CNTN5: variants seen among roughly 807,000 people sequenced by gnomAD.
CNTN5 encodes the protein contactin-5.
CNTN5 carries 77 observed loss-of-function variants against 129.1 expected under a neutral mutation model. That is an observed-to-expected ratio of 0.60 (90% CI 0.50 to 0.72). The LOEUF (loss-of-function observed/expected upper bound fraction) is 0.72, where lower values mean the gene tolerates loss of function less well. CNTN5 is among the 30% of genes least tolerant of loss of function. The pLI, the probability that CNTN5 is intolerant of heterozygous loss-of-function variation, is 0.00. For synonymous variants in CNTN5, 509 were observed against 465.6 expected, an observed-to-expected ratio of 1.09 and a Z score of -1.20; for missense variants, 1,478 against 1,328.8, an observed-to-expected ratio of 1.11 and a Z score of -1.75.
chr11:100,092,120 ATTGAATCAGAAGGT>A (rs551822718), intron 13 of CNTN5, among the ~76,000 whole-genome samples: 39 of 152,258 alleles, frequency 2.6e-4, no homozygotes, highest in African/African-American at 9.1e-4. Flanking sequence ...TAGCATGGAA[ATTGAATCAGAAGGT>A]TGTAAGCAGA....
chr11:99,066,402 C>G (rs1462493153), intron 1 of CNTN5, among the ~76,000 whole-genome samples: 2 of 152,114 alleles, frequency 1.3e-5, no homozygotes, highest in Non-Finnish European at 2.9e-5. Flanking sequence ...CCACGCCCAG[C>G]AAGCTAATAT....
intron 2 of CNTN5, among the ~76,000 whole-genome samples, chr11:99,351,780 C>G (rs1016865071): frequency 2.6e-5 from 4 of 152,114 alleles, no homozygotes; most frequent in Admixed American, 6.6e-5. Context: ...TAGGAAATGC[C>G]AAAAGATTAC....
intron 11 of CNTN5, among the ~76,000 whole-genome samples, chr11:100,071,264 T>C (rs1300073736): frequency 1.3e-5 from 2 of 152,128 alleles, no homozygotes; most frequent in African/African-American, 2.4e-5. Context: ...TGGATCCATA[T>C]AGTAAAGGGA....
intron 17 of CNTN5, among the ~76,000 whole-genome samples, chr11:100,266,164 G>A (rs1197886601): frequency 1.3e-5 from 2 of 152,030 alleles, no homozygotes; most frequent in Non-Finnish European, 2.9e-5. Flanking sequence ...ATCCTGAGGT[G>A]GGAGGATCAC....
intron 16 of CNTN5, among the ~76,000 whole-genome samples, chr11:100,254,485 A>G (rs935811800): frequency 7.9e-5 from 12 of 152,196 alleles, no homozygotes; most frequent in African/African-American, 1.2e-4. Context: ...ACCTTTGCCC[A>G]CGATTCCAAC....
chr11:99,573,347 G>C (rs1467128487), intron 3 of CNTN5, among the ~76,000 whole-genome samples: 1 of 151,984 alleles, frequency 6.6e-6, no homozygotes, highest in Non-Finnish European at 1.5e-5. Context: ...TAGGCGGGCG[G>C]ATCACGAGGT....
intron 15 of CNTN5, among the ~76,000 whole-genome samples, chr11:100,222,868 A>G (rs1418415743): frequency 6.6e-6 from 1 of 152,106 alleles, no homozygotes; most frequent in Non-Finnish European, 1.5e-5. Flanking sequence ...TCCAGAGAGA[A>G]AGAAGCTAAA....
intron 9 of CNTN5, among the ~76,000 whole-genome samples, chr11:100,041,063 G>A (rs192814813): frequency 1.8e-4 from 28 of 152,278 alleles, no homozygotes; most frequent in Middle Eastern, 3.4e-3. Flanking sequence ...CATCTTCTGC[G>A]TCACTCACAC....
rs141917541 is a variant in CNTN5, at chr11:99,175,191, G to A, written c.-209-150155G>A. ...CAAGGCTGTAGTAAGCCGAGATCAT[G>A]CCACTGCACTCCAGCCTGGGCAACA... is the stretch of plus-strand genomic sequence containing the variant. On this transcript the variant is annotated intron_variant, in intron 1 of 24. Coordinates refer to ENST00000524871, the MANE Select transcript of CNTN5 (RefSeq NM_014361.4). Among the ~76,000 whole-genome samples the A allele has an allele frequency of 8.8e-3, 1,337 of 152,258 alleles. 12 individuals carry two copies. The highest frequency in any genetic ancestry group is 0.029 in the African/African-American group (1,204 of 41,544).
chr11:99,074,227 T>C (rs1441512444), intron 1 of CNTN5, among the ~76,000 whole-genome samples: 1 of 151,020 alleles, frequency 6.6e-6, no homozygotes, highest in Non-Finnish European at 1.5e-5. Context: ...ATGGAGTTGT[T>C]TTTTTTTCTT....
chr11:99,451,916 G>A (rs1944315973), intron 2 of CNTN5, among the ~76,000 whole-genome samples: 1 of 152,104 alleles, frequency 6.6e-6, no homozygotes, highest in Non-Finnish European at 1.5e-5. Flanking sequence ...AATAAATGGT[G>A]CCCTAATGGA....
intron 3 of CNTN5, among the ~76,000 whole-genome samples, chr11:99,638,162 G>A (rs948187752): frequency 5.3e-5 from 8 of 152,042 alleles, no homozygotes; most frequent in Non-Finnish European, 8.8e-5. Flanking sequence ...AAGGTTCTTT[G>A]TACATGGTGG....
At chr11:100,075,320 G>C (rs1364176392) in intron 13 of CNTN5, among the ~76,000 whole-genome samples, 1 of 152,076 alleles carries the variant, frequency 6.6e-6, no homozygotes, top group Non-Finnish European at 1.5e-5. Context: ...ATGCTTCTTG[G>C]AAAGGGTGAT....
At chr11:99,051,670 A>T (rs963705313) in intron 1 of CNTN5, among the ~76,000 whole-genome samples, 1 of 152,064 alleles carries the variant, frequency 6.6e-6, no homozygotes, top group Non-Finnish European at 1.5e-5. Flanking sequence ...AGAATCACTG[A>T]CTTATCATCT....
intron 2 of CNTN5, among the ~76,000 whole-genome samples, chr11:99,441,368 A>G (rs1282680365): frequency 1.3e-5 from 2 of 152,204 alleles, no homozygotes; most frequent in African/African-American, 4.8e-5. Flanking sequence ...AATCTTGAAC[A>G]TTCAAATTCT....
chr11:99,901,988 C>G (rs1016599324), intron 6 of CNTN5, among the ~76,000 whole-genome samples: 1 of 152,076 alleles, frequency 6.6e-6, no homozygotes, highest in Admixed American at 6.6e-5. Flanking sequence ...TGAGGTTTAT[C>G]TAAGGTTACA....
At chr11:99,738,298 G>A (rs1029542061) in intron 3 of CNTN5, among the ~76,000 whole-genome samples, 1 of 152,270 alleles carries the variant, frequency 6.6e-6, no homozygotes, top group East Asian at 1.9e-4. Flanking sequence ...TGAGGAGGTG[G>A]CCACCCACAA....
chr11:99,821,839 G>A (rs942938093), intron 4 of CNTN5, among the ~76,000 whole-genome samples: 3 of 152,136 alleles, frequency 2.0e-5, no homozygotes, highest in Non-Finnish European at 4.4e-5. Context: ...GAGTGGCAAG[G>A]CTCTAGGCTG....
At chr11:99,198,419 G>T (rs1338284005) in intron 1 of CNTN5, among the ~76,000 whole-genome samples, 2 of 152,118 alleles carry the variant, frequency 1.3e-5, no homozygotes, top group Non-Finnish European at 2.9e-5. Flanking sequence ...GAGCGTTGTT[G>T]CAGGCAAGTT....
Sources: gnomAD v4.1 joint callset for allele counts (sites outside exome capture counted in the v4.1 genomes callset) on GRCh38, gnomAD v4.1.1 for gene constraint, MANE v1.5 for transcripts, NCBI Gene and HGNC (gene_info 2026-07-23, HGNC 2026-07-21) for gene names.